The following ANKRD63 variants were observed in gnomAD, a reference collection of about 807,000 sequenced individuals.
ANKRD63 encodes ankyrin repeat domain-containing protein 63.
ANKRD63 carries 18 observed loss-of-function variants against 21.2 expected under a neutral mutation model. The ratio of observed to expected loss-of-function variants is 0.85; its 90% CI spans 0.59 to 1.26. ANKRD63 has a LOEUF of 1.26. ANKRD63 is among the 50% of genes most tolerant of loss of function. ANKRD63 has a pLI of 0.00. For synonymous variants in ANKRD63, 322 were observed against 273.3 expected, an observed-to-expected ratio of 1.18 and a Z score of -1.76; for missense variants, 523 against 570.9, an observed-to-expected ratio of 0.92 and a Z score of 0.85.
Position 40,282,599 on chromosome 15 carries a change from C to T in ANKRD63, c.-13G>A. ...TGGGTTTGAGCATGGCCCCGGCCGC[C>T]GCGCCCGGGCAGCCTGGCAGTTCCG... On this transcript the variant is annotated 5_prime_UTR_variant, in exon 1 of 1. Coordinates refer to ENST00000434396, the MANE Select transcript of ANKRD63 (RefSeq NM_001190479.3). The T allele has an allele frequency of 7.3e-7, 1 of 1,373,328 alleles. No homozygotes were observed. The highest frequency in any genetic ancestry group is 9.4e-7 in the Non-Finnish European group (1 of 1,069,054). 85.1% of individuals were successfully genotyped at this position (1,373,328 alleles called of 1,614,324 possible).
chr15:40,281,623 A>G lies in ANKRD63; in HGVS notation c.964T>C (p.Ser322Pro). The G allele has an allele frequency of 6.5e-7, 1 of 1,527,030 alleles. No homozygotes were observed. The allele number at this position is 1,527,030 out of a possible 1,614,324, so 94.6% of individuals were successfully genotyped here. ...LSPHPEGGPG[S>P]GRLGLRRRST... ...CGTCGGCGCAAACCCAGGCGGCCAG[A>G]GCCGGGGCCGCCCTCCGGGTGGGGA... The change falls in exon 1 of 1, where the codon TCT (serine) becomes CCT (proline). Residue 322 changes from serine to proline, a missense_variant. By Grantham distance (74) the Ser-to-Pro change is moderately conservative. Around this residue, in one of 2 missense-constraint regions of ANKRD63, gnomAD observed 308 missense variants for 290.4 expected, o/e 1.06. Transcript: ENST00000434396.
Position 40,282,602 on chromosome 15 carries a change from GC to G in ANKRD63, c.-17del. The G allele has an allele frequency of 7.3e-7, 1 of 1,372,892 alleles. No homozygotes were observed. The highest frequency in any genetic ancestry group is 9.4e-7 in the Non-Finnish European group (1 of 1,069,062). 85.0% of individuals were successfully genotyped at this position (1,372,892 alleles called of 1,614,324 possible). A position where few individuals can be genotyped will look rare whatever the true frequency, so the allele number is the denominator to read the frequency against. On this transcript the variant is annotated 5_prime_UTR_variant, in exon 1 of 1. Coordinates refer to ENST00000434396, the MANE Select transcript of ANKRD63 (RefSeq NM_001190479.3). ...GTTTGAGCATGGCCCCGGCCGCCGC[GC>G]CCGGGCAGCCTGGCAGTTCCGCACG...
In ANKRD63 at chr15:40,281,518, G is replaced by T. The variant is rs767351882; in HGVS notation, c.1069C>A (p.Leu357Met). 55 of 1,513,174 alleles carry T rather than the reference G, an allele frequency of 3.6e-5. No homozygotes were observed. The highest frequency in any genetic ancestry group is 4.2e-5 in the Non-Finnish European group (48 of 1,135,116). 93.7% of individuals were successfully genotyped at this position (1,513,174 alleles called of 1,614,324 possible). ...ESGPELEANA[L>M]SVSVPGPNPW... ...TTCGGCCCAGGCACCGAGACAGACA[G>T]AGCGTTGGCCTCTAACTCCGGGCCA... Residue 357 changes from leucine to methionine, a missense_variant, in exon 1 of 1, where the codon CTG becomes ATG. By Grantham distance (15) the Leu-to-Met change is conservative. Coordinates refer to ENST00000434396, the MANE Select transcript of ANKRD63 (RefSeq NM_001190479.3).
Position 40,282,810 on chromosome 15 carries a change from G to A in ANKRD63, c.-224C>T, listed in dbSNP as rs1330612218. ...CTGGCGTGTCGCCGCTCCTTCCCCG[G>A]GCCTCCCGCCTGGAGGTGTTGATTG... On this transcript the variant is annotated 5_prime_UTR_variant, in exon 1 of 1. Coordinates refer to ENST00000434396, the MANE Select transcript of ANKRD63 (RefSeq NM_001190479.3). Among the ~76,000 whole-genome samples, 1 of 152,174 alleles carries A rather than the reference G, an allele frequency of 6.6e-6. No homozygotes were observed. Among genetic ancestry groups the A allele is most frequent in the Non-Finnish European group, 1.5e-5 (1 of 68,010 alleles).
Position 40,282,004 on chromosome 15 carries a change from G to T in ANKRD63, c.583C>A (p.Pro195Thr). Residue 195 changes from proline to threonine, a missense_variant, in exon 1 of 1, where the codon CCT (proline) becomes ACT (threonine). This residue lies in a region of ANKRD63 where 308 missense variants were observed against 290.4 expected (regional missense o/e 1.06). Coordinates refer to ENST00000434396, the MANE Select transcript of ANKRD63 (RefSeq NM_001190479.3). ...CTGGCCGCGGGGGCCGGGCGGCCAG[G>T]GGGACTATCGGAGTTGGAGCCCCGG... ...AARGSNSDSP[P>T]GRPAPAASPE... is the part of the protein sequence containing the mutation. 1 of 1,216,832 alleles carries T rather than the reference G, an allele frequency of 8.2e-7. No homozygotes were observed. Among genetic ancestry groups the T allele is most frequent in the Non-Finnish European group, 1.0e-6 (1 of 979,968 alleles). The allele number at this position is 1,216,832 out of a possible 1,614,324, so 75.4% of individuals were successfully genotyped here. A position where few individuals can be genotyped will look rare whatever the true frequency, so the allele number is the denominator to read the frequency against.
chr15:40,281,721 G>C lies in ANKRD63; in HGVS notation c.866C>G (p.Thr289Ser). 1 of 1,535,080 alleles carries C rather than the reference G, an allele frequency of 6.5e-7. No individual in the cohort carries two copies. Among genetic ancestry groups the C allele is most frequent in the Non-Finnish European group, 8.7e-7 (1 of 1,146,504 alleles). The change falls in exon 1 of 1, where the codon ACT becomes AGT. Residue 289 changes from threonine (T) to serine (S), a missense_variant. Physicochemically the swap from Thr to Ser is moderately conservative, Grantham distance 58. Coordinates refer to ENST00000434396, the MANE Select transcript of ANKRD63 (RefSeq NM_001190479.3). ...CACCTCCTGTGAGCGCCACCGCCCAGTCCCCGAAGACTGGGGCGAGTTTGG... is the reference window on the plus strand; with the variant it reads ...CACCTCCTGTGAGCGCCACCGCCCACTCCCCGAAGACTGGGGCGAGTTTGG... ...ALPNSPQSSG[T>S]GRWRSQEVLE...
Position 40,281,781 on chromosome 15 carries a change from GCCT to G in ANKRD63, c.803_805del (p.Glu268del), listed in dbSNP as rs1566862862. Reference sequence around the variant, plus strand: ...CAGGGCCCCAGCCCGCAGGCGGGCAGCCTCCTCCTCGGTTACCGCACCTAGAGC... The same window carrying G: ...CAGGGCCCCAGCCCGCAGGCGGGCAGCCTCCTCGGTTACCGCACCTAGAGC... On this transcript the variant is annotated inframe_deletion, in exon 1 of 1. Coordinates refer to ENST00000434396, the MANE Select transcript of ANKRD63 (RefSeq NM_001190479.3). 1.3e-6 allele frequency: 2 copies of G among 1,535,092 alleles called. No homozygotes were observed. Among genetic ancestry groups the G allele is most frequent in the Admixed American group, 2.0e-5 (1 of 50,970 alleles).
Position 40,278,783 on chromosome 15 carries a change from G to A in ANKRD63, c.*2661C>T, listed in dbSNP as rs2039510994. On this transcript the variant is annotated 3_prime_UTR_variant, in exon 1 of 1. Transcript: ENST00000434396. The stretch of plus-strand genomic sequence containing the variant: ...AGGAAAGAGCCGCTGCAGTTGTTTA[G>A]AAACATCGCTTTCTACCACCAAGCT... 6.6e-6 allele frequency among the ~76,000 whole-genome samples: 1 copy of A among 152,150 alleles called. No individual in the cohort carries two copies.
chr15:40,281,611 C>T lies in ANKRD63; in HGVS notation c.976G>A (p.Gly326Ser). 1 of 1,528,360 alleles carries T rather than the reference C, an allele frequency of 6.5e-7. No individual in the cohort carries two copies. The highest frequency in any genetic ancestry group is 8.7e-7 in the Non-Finnish European group (1 of 1,143,010). The allele number at this position is 1,528,360 out of a possible 1,614,324, so 94.7% of individuals were successfully genotyped here. A position where few individuals can be genotyped will look rare whatever the true frequency, so the allele number is the denominator to read the frequency against. ...PEGGPGSGRL[G>S]LRRRSTAPDI... Reference sequence around the variant, plus strand: ...GGGGCTGTGGAGCGTCGGCGCAAACCCAGGCGGCCAGAGCCGGGGCCGCCC... The same window carrying T: ...GGGGCTGTGGAGCGTCGGCGCAAACTCAGGCGGCCAGAGCCGGGGCCGCCC... The change falls in exon 1 of 1, where the codon GGT becomes AGT. Residue 326 changes from glycine (G) to serine (S), a missense_variant. Gly to Ser is a moderately conservative substitution (Grantham distance 56). Transcript: ENST00000434396.
Position 40,281,595 on chromosome 15 carries a change from G to A in ANKRD63, c.992C>T (p.Ser331Phe), listed in dbSNP as rs1246390671. Reference protein sequence around the residue: ...GSGRLGLRRRSTAPDIPSLVG... With the variant: ...GSGRLGLRRRFTAPDIPSLVG... Reference sequence around the variant, plus strand: ...CAGGCTGGGGATATCTGGGGCTGTGGAGCGTCGGCGCAAACCCAGGCGGCC... The same window carrying A: ...CAGGCTGGGGATATCTGGGGCTGTGAAGCGTCGGCGCAAACCCAGGCGGCC... The change falls in exon 1 of 1, where the codon TCC becomes TTC. Residue 331 changes from serine (S) to phenylalanine (F), a missense_variant. Around this residue, in one of 2 missense-constraint regions of ANKRD63, gnomAD observed 308 missense variants for 290.4 expected, o/e 1.06. Transcript: ENST00000434396. 6.5e-7 allele frequency: 1 copy of A among 1,531,466 alleles called. No individual in the cohort carries two copies. Among genetic ancestry groups the A allele is most frequent in the East Asian group, 2.5e-5 (1 of 40,646 alleles). The allele number at this position is 1,531,466 out of a possible 1,614,324, so 94.9% of individuals were successfully genotyped here. A position where few individuals can be genotyped will look rare whatever the true frequency, so the allele number is the denominator to read the frequency against.
Position 40,281,812 on chromosome 15 carries a change from G to A in ANKRD63, c.775C>T (p.Leu259=), listed in dbSNP as rs1277174346. Residue 259 remains leucine (L), a synonymous_variant, in exon 1 of 1, where the codon CTG becomes TTG. Transcript: ENST00000434396. ...TCCTCGGTTACCGCACCTAGAGCCA[G>A]GCTCATGCTCCGACCCAGCTCGGGC... The part of the protein sequence containing the change: ...ERPELGRSMS[L]ALGAVTEEEA... The A allele has an allele frequency of 3.3e-6, 5 of 1,534,920 alleles. No homozygotes were observed. The highest frequency in any genetic ancestry group is 1.4e-5 in the African/African-American group (1 of 73,024).
Position 40,282,718 on chromosome 15 carries a change from G to T in ANKRD63, c.-132C>A. On this transcript the variant is annotated 5_prime_UTR_variant, in exon 1 of 1. Transcript: ENST00000434396. The stretch of plus-strand genomic sequence containing the variant: ...TCCGCGCGTGGGCGGCTGCAGCCGA[G>T]GGTCCCGAGGTTCCTACTCCGCTGT... 1.5e-6 allele frequency: 1 copy of T among 667,032 alleles called. No homozygotes were observed. Among genetic ancestry groups the T allele is most frequent in the Non-Finnish European group, 2.3e-6 (1 of 443,514 alleles). The allele number at this position is 667,032 out of a possible 1,614,324, so 41.3% of individuals were successfully genotyped here. A position where few individuals can be genotyped will look rare whatever the true frequency, so the allele number is the denominator to read the frequency against.
At position 40,279,639 on chromosome 15, in the gene ANKRD63, C is replaced by T. The variant is rs1169788068; in HGVS notation, c.*1805G>A. On this transcript the variant is annotated 3_prime_UTR_variant, in exon 1 of 1. Coordinates refer to ENST00000434396, the MANE Select transcript of ANKRD63 (RefSeq NM_001190479.3). ...CTAGCGGATGGGGGCAAGCGGAGGG[C>T]AAGGACTGGATAGGTGTCCTGACAC... is the stretch of plus-strand genomic sequence containing the variant. Among the ~76,000 whole-genome samples, 1 of 152,214 alleles carries T rather than the reference C, an allele frequency of 6.6e-6. No individual in the cohort carries two copies.
Position 40,281,899 on chromosome 15 carries a change from C to T in ANKRD63, c.688G>A (p.Gly230Ser). 3 of 1,409,774 alleles carry T rather than the reference C, an allele frequency of 2.1e-6. No homozygotes were observed. Among genetic ancestry groups the T allele is most frequent in the Non-Finnish European group, 2.7e-6 (3 of 1,092,030 alleles). 87.3% of individuals were successfully genotyped at this position (1,409,774 alleles called of 1,614,324 possible). ...TTGCCCGCTGAGCCAGCCTCGCCGC[C>T]GTGGCCGCCCGCCGCTCGCGCAAAG... ...ARFARAAGGH[G>S]GEAGSAGKNS... is the part of the protein sequence containing the mutation. The change falls in exon 1 of 1, where the codon GGC (glycine) becomes AGC (serine). Residue 230 changes from glycine to serine, a missense_variant. Physicochemically the swap from Gly to Ser is moderately conservative, Grantham distance 56. This residue lies in a region of ANKRD63 where 308 missense variants were observed against 290.4 expected (regional missense o/e 1.06). Coordinates refer to ENST00000434396, the MANE Select transcript of ANKRD63 (RefSeq NM_001190479.3).
rs1470373124 is a variant in ANKRD63, at chr15:40,279,747, C to G, written c.*1697G>C. Among the ~76,000 whole-genome samples the G allele has an allele frequency of 6.6e-6, 1 of 152,262 alleles. No individual in the cohort carries two copies. Among genetic ancestry groups the G allele is most frequent in the African/African-American group, 2.4e-5 (1 of 41,470 alleles). ...GGCACATTCTCGCTCTGGGCAGTTC[C>G]CTGGGAGTTGCTGGCGAGAAACCTT... On this transcript the variant is annotated 3_prime_UTR_variant, in exon 1 of 1. Transcript: ENST00000434396.
chr15:40,281,580 A>G lies in ANKRD63; in HGVS notation c.1007T>C (p.Ile336Thr). The G allele has an allele frequency of 6.5e-7, 1 of 1,532,570 alleles. No homozygotes were observed. The highest frequency in any genetic ancestry group is 1.4e-5 in the African/African-American group (1 of 72,914). 94.9% of individuals were successfully genotyped at this position (1,532,570 alleles called of 1,614,324 possible). A position where few individuals can be genotyped will look rare whatever the true frequency, so the allele number is the denominator to read the frequency against. Residue 336 changes from isoleucine (I) to threonine (T), a missense_variant, in exon 1 of 1, where the codon ATC becomes ACC. By Grantham distance (89) the Ile-to-Thr change is moderately conservative. Transcript: ENST00000434396. ...GLRRRSTAPD[I>T]PSLVGEAPGP... ...TGGCGCCTCCCCGACCAGGCTGGGGATATCTGGGGCTGTGGAGCGTCGGCG... is the reference window on the plus strand; with the variant it reads ...TGGCGCCTCCCCGACCAGGCTGGGGGTATCTGGGGCTGTGGAGCGTCGGCG...
At position 40,281,958 on chromosome 15, in the gene ANKRD63, C is replaced by A; in HGVS notation, c.629G>T (p.Ser210Ile). Residue 210 changes from serine to isoleucine, a missense_variant, in exon 1 of 1, where the codon AGC (serine) becomes ATC (isoleucine). Ser to Ile is a moderately radical substitution (Grantham distance 142). Coordinates refer to ENST00000434396, the MANE Select transcript of ANKRD63 (RefSeq NM_001190479.3). The stretch of plus-strand genomic sequence containing the variant: ...GAGAGGCCGCGGGAGGCGGCGGGGG[C>A]TGGGTCGTCGATGCTCGGGGCTGGC... ...PAASPEHRRP[S>I]PRRLPRPLLA... 2 of 1,280,010 alleles carry A rather than the reference C, an allele frequency of 1.6e-6. No homozygotes were observed. Among genetic ancestry groups the A allele is most frequent in the South Asian group, 5.0e-5 (2 of 40,316 alleles). The allele number at this position is 1,280,010 out of a possible 1,614,324, so 79.3% of individuals were successfully genotyped here.
chr15:40,280,431 G>T lies in ANKRD63; in HGVS notation c.*1013C>A, dbSNP rs1277826431. On this transcript the variant is annotated 3_prime_UTR_variant, in exon 1 of 1. Coordinates refer to ENST00000434396, the MANE Select transcript of ANKRD63 (RefSeq NM_001190479.3). ...GCTGCTTTCTGCTTCATATACAAAG[G>T]CTTAAAACACGAGTTCTTTGAGGAT... 6.6e-6 allele frequency among the ~76,000 whole-genome samples: 1 copy of T among 152,252 alleles called. No homozygotes were observed. Among genetic ancestry groups the T allele is most frequent in the African/African-American group, 2.4e-5 (1 of 41,464 alleles).
chr15:40,281,175 G>C lies in ANKRD63; in HGVS notation c.*269C>G, dbSNP rs183696897. 1.3e-5 allele frequency among the ~76,000 whole-genome samples: 2 copies of C among 152,214 alleles called. No homozygotes were observed. The highest frequency in any genetic ancestry group is 2.9e-5 in the Non-Finnish European group (2 of 68,042). On this transcript the variant is annotated 3_prime_UTR_variant, in exon 1 of 1. Coordinates refer to ENST00000434396, the MANE Select transcript of ANKRD63 (RefSeq NM_001190479.3). Reference sequence around the variant, plus strand: ...AGGATTGAGCCTGAGGGCTGGGGAGGGGGAATCCACCTTCCTGGCTGTAGC... The same window carrying C: ...AGGATTGAGCCTGAGGGCTGGGGAGCGGGAATCCACCTTCCTGGCTGTAGC...
Sources: allele counts gnomAD v4.1 joint callset (sites outside exome capture counted in the v4.1 genomes callset), GRCh38; gene constraint gnomAD v4.1.1; regional missense constraint gnomAD v4.1.1; transcripts MANE v1.5; gene names NCBI Gene and HGNC (gene_info 2026-07-23, HGNC 2026-07-21).